NTM: variants seen among roughly 807,000 people sequenced by gnomAD.
The protein encoded by NTM is neurotrimin.
A neutral mutation model predicts 42.1 loss-of-function variants in NTM; 13 were observed. The ratio of observed to expected loss-of-function variants is 0.31; its 90% CI spans 0.20 to 0.49. The LOEUF (loss-of-function observed/expected upper bound fraction) is 0.49, where lower values mean the gene tolerates loss of function less well. Ranked by LOEUF, NTM falls within the 20% of genes least tolerant of loss-of-function variation. The pLI is 0.99. For missense variants in NTM, 373 were observed against 452.8 expected, an observed-to-expected ratio of 0.82 and a Z score of 1.60; for synonymous variants, 187 against 179.2, an observed-to-expected ratio of 1.04 and a Z score of -0.35.
In NTM at chr11:132,335,267, C is replaced by A; in HGVS notation, c.*121C>A. 3 of 1,042,166 alleles carry A rather than the reference C, an allele frequency of 2.9e-6. No homozygotes were observed. The highest frequency in any genetic ancestry group is 1.7e-5 in the South Asian group (1 of 57,874). 64.6% of individuals were successfully genotyped at this position (1,042,166 alleles called of 1,614,324 possible). ...ACAAATGAAATTAGAAGAAACACAG[C>A]CTCATGGGACAGAAATTTGAGGGAG... On this transcript the variant is annotated 3_prime_UTR_variant, in exon 9 of 9. Transcript: ENST00000683400.
intron 4 of NTM, among the ~76,000 whole-genome samples, chr11:132,237,082 C>T (rs1361937454): frequency 6.6e-6 from 1 of 152,170 alleles, no homozygotes; most frequent in Non-Finnish European, 1.5e-5. Context: ...CTCATTCCAC[C>T]CCGGATTCAT....
chr11:131,718,280 G>A (rs891515421), intron 1 of NTM, among the ~76,000 whole-genome samples: 3 of 152,120 alleles, frequency 2.0e-5, no homozygotes, highest in African/African-American at 7.2e-5. Flanking sequence ...TTTATATATA[G>A]CTGATATGAT....
chr11:131,644,483 A>G lies in NTM; in HGVS notation c.83-267081A>G, dbSNP rs78816030. Among the ~76,000 whole-genome samples the G allele has an allele frequency of 0.018, 2,712 of 152,262 alleles. 250 individuals carry two copies. The East Asian group carries it at 0.27, about 15-fold the overall frequency. On this transcript the variant is annotated intron_variant, in intron 1 of 8. Transcript: ENST00000683400. ...TCATGGCCAGCAAACCGTACCAACGAAGGGGGACTCCTACTACTTAGCCTG... is the reference window on the plus strand; with the variant it reads ...TCATGGCCAGCAAACCGTACCAACGGAGGGGGACTCCTACTACTTAGCCTG...
intron 1 of NTM, among the ~76,000 whole-genome samples, chr11:131,873,033 C>T (rs2047960941): frequency 6.6e-6 from 1 of 152,160 alleles, no homozygotes; most frequent in African/African-American, 2.4e-5. Flanking sequence ...TAATGATCGC[C>T]ATTCTGACCG....
intron 1 of NTM, among the ~76,000 whole-genome samples, chr11:131,829,888 T>C (rs1027057756): frequency 6.6e-6 from 1 of 152,206 alleles, no homozygotes; most frequent in Admixed American, 6.5e-5. Flanking sequence ...CAGTGTGAGA[T>C]GCTATCTCAC....
At chr11:131,599,574 C>T (rs2060287662) in intron 1 of NTM, among the ~76,000 whole-genome samples, 1 of 152,232 alleles carries the variant, frequency 6.6e-6, no homozygotes, top group Non-Finnish European at 1.5e-5. Context: ...TGTATCCATT[C>T]ATTCATTCTA....
At chr11:132,124,513 T>G (rs1566226987) in intron 2 of NTM, among the ~76,000 whole-genome samples, 2 of 152,280 alleles carry the variant, frequency 1.3e-5, no homozygotes, top group Non-Finnish European at 2.9e-5. Context: ...CCTCCCCATT[T>G]CTACCCAAAT....
chr11:131,666,059 A>T (rs938456908), intron 1 of NTM, among the ~76,000 whole-genome samples: 1 of 152,228 alleles, frequency 6.6e-6, no homozygotes, highest in Non-Finnish European at 1.5e-5. Flanking sequence ...ATATTAGGCT[A>T]CATATTCACT....
chr11:131,562,034 T>G (rs1423367025), intron 1 of NTM, among the ~76,000 whole-genome samples: 1 of 152,340 alleles, frequency 6.6e-6, no homozygotes, highest in African/African-American at 2.4e-5. Context: ...TACTATTTTT[T>G]ATTTTTTAGG....
chr11:131,833,346 C>T (rs1384037466), intron 1 of NTM, among the ~76,000 whole-genome samples: 3 of 152,166 alleles, frequency 2.0e-5, no homozygotes, highest in Non-Finnish European at 4.4e-5. Context: ...TGATATGCTC[C>T]AGGAAATGTG....
intron 2 of NTM, among the ~76,000 whole-genome samples, chr11:132,095,831 T>C (rs1228866055): frequency 6.6e-6 from 1 of 152,194 alleles, no homozygotes; most frequent in Non-Finnish European, 1.5e-5. Flanking sequence ...CCAGAGCAGA[T>C]TTGGCTCTGG....
intron 4 of NTM, among the ~76,000 whole-genome samples, chr11:132,287,829 G>A (rs982370398): frequency 1.3e-5 from 2 of 152,186 alleles, no homozygotes; most frequent in African/African-American, 4.8e-5. Context: ...CGGTATGCAT[G>A]TCCAAATGCA....
At chr11:132,317,643 C>T (rs916660417) in intron 7 of NTM, 24 of 1,301,518 alleles carry the variant, frequency 1.8e-5, no homozygotes, top group Non-Finnish European at 2.3e-5. Flanking sequence ...GTGTGTCCCT[C>T]AACCGATTTA....
intron 1 of NTM, among the ~76,000 whole-genome samples, chr11:131,703,304 C>T (rs1378628249): frequency 6.6e-6 from 1 of 152,176 alleles, no homozygotes; most frequent in Non-Finnish European, 1.5e-5. Flanking sequence ...AGAATATATA[C>T]ATGTGTCATA....
intron 1 of NTM, among the ~76,000 whole-genome samples, chr11:131,727,809 C>A (rs2079141127): frequency 6.6e-6 from 1 of 152,178 alleles, no homozygotes; most frequent in Admixed American, 6.5e-5. Flanking sequence ...TCCATGCAAC[C>A]ACCTCCATTG....
intron 1 of NTM, among the ~76,000 whole-genome samples, chr11:131,515,179 T>C (rs1188266319): frequency 6.6e-6 from 1 of 152,050 alleles, no homozygotes; most frequent in Non-Finnish European, 1.5e-5. Context: ...CTTCCCAAAG[T>C]GTTGGGATTA....
At chr11:131,809,722 T>C (rs1445685830) in intron 1 of NTM, among the ~76,000 whole-genome samples, 2 of 152,238 alleles carry the variant, frequency 1.3e-5, no homozygotes, top group Non-Finnish European at 2.9e-5. Context: ...AACCAGCAAT[T>C]TCTGCTAACG....
intron 2 of NTM, among the ~76,000 whole-genome samples, chr11:131,942,233 C>T (rs1320710921): frequency 6.6e-6 from 1 of 152,140 alleles, no homozygotes; most frequent in Non-Finnish European, 1.5e-5. Context: ...ATAACAACCC[C>T]TAAATCCCTG....
chr11:131,949,066 T>A (rs2134322433), intron 2 of NTM, among the ~76,000 whole-genome samples: 1 of 152,320 alleles, frequency 6.6e-6, no homozygotes, highest in Admixed American at 6.5e-5. Context: ...AGCGTGTAAG[T>A]GGAATCGTGC....
Sources: allele counts gnomAD v4.1 joint callset (sites outside exome capture counted in the v4.1 genomes callset), GRCh38; gene constraint gnomAD v4.1.1; transcripts MANE v1.5; gene names NCBI Gene and HGNC (gene_info 2026-07-23, HGNC 2026-07-21).